PIGQ: variants seen among roughly 807,000 people sequenced by gnomAD.
PIGQ encodes the protein phosphatidylinositol N-acetylglucosaminyltransferase subunit Q.
Under a neutral mutation model 60.3 loss-of-function variants are expected in PIGQ, and 54 were observed. That is an observed-to-expected ratio of 0.90 (90% confidence interval 0.72 to 1.12). The LOEUF is 1.12. Among genes scored for constraint, PIGQ ranks in the 50% most tolerant of loss-of-function variants. The pLI, the probability that PIGQ is intolerant of heterozygous loss-of-function variation, is 0.00. For synonymous variants in PIGQ, 416 were observed against 363.7 expected, an observed-to-expected ratio of 1.14 and a Z score of -1.64; for missense variants, 799 against 793.5, an observed-to-expected ratio of 1.01 and a Z score of -0.08.
At chr16:572,682 T>C (rs1347145346) in intron 1 of PIGQ, 2 of 455,490 alleles carry the variant, frequency 4.4e-6, no homozygotes, top group Non-Finnish European at 8.8e-6. Flanking sequence ...CCTAAGGGCG[T>C]GGTGGGCACT....
intron 9 of PIGQ, chr16:581,412 G>A (rs2035807485): frequency 9.8e-7 from 1 of 1,023,010 alleles, no homozygotes; most frequent in Non-Finnish European, 1.2e-6. Flanking sequence ...GTCCCTCACT[G>A]GGGCTCTTCC....
intron 4 of PIGQ, chr16:577,969 G>T: frequency 5.4e-6 from 1 of 185,798 alleles, no homozygotes; most frequent in African/African-American, 2.4e-5. Flanking sequence ...CCTCTGGAGG[G>T]GACTGTGTCA....
In PIGQ at chr16:578,508, G is replaced by A. The variant is rs565415328; in HGVS notation, c.1069+3G>A. On this transcript the variant is annotated splice_donor_region_variant and intron_variant, in intron 5 of 10. Transcript: ENST00000321878. ...CTACCACATCCACCTGTGGATCAGT[G>A]AGTGCAGGGCAGGCGGGGGCCCCAG... 1.2e-6 allele frequency: 2 copies of A among 1,612,126 alleles called. No individual in the cohort carries two copies. The highest frequency in any genetic ancestry group is 4.5e-5 in the East Asian group (2 of 44,868).
At chr16:573,386 C>T (rs767464480) in intron 1 of PIGQ, among the ~76,000 whole-genome samples, 1 of 152,010 alleles carries the variant, frequency 6.6e-6, no homozygotes. Context: ...CAGGCACTGC[C>T]GGGTGCCACC....
chr16:576,556 T>C, intron 4 of PIGQ: 1 of 539,504 alleles, frequency 1.9e-6, no homozygotes, highest in South Asian at 2.8e-5. Flanking sequence ...GTATCTCCCT[T>C]GTGGTCCCTG....
chr16:582,110 G>T, intron 9 of PIGQ, 138 bp from the exon 10 acceptor site: 1 of 717,106 alleles, frequency 1.4e-6, no homozygotes, highest in East Asian at 2.7e-5. Context: ...GGCGACGGAG[G>T]GGGCGGGGAG....
Position 583,716 on chromosome 16 carries a change from C to T in PIGQ, c.*681C>T, listed in dbSNP as rs548844659. The T allele has an allele frequency of 7.5e-6, 11 of 1,471,116 alleles. No individual in the cohort carries two copies. In the East Asian group the frequency reaches 1.6e-4, roughly 21 times the overall value. The allele number at this position is 1,471,116 out of a possible 1,614,324, so 91.1% of individuals were successfully genotyped here. On this transcript the variant is annotated 3_prime_UTR_variant, in exon 11 of 11. Coordinates refer to ENST00000321878, the MANE Select transcript of PIGQ (RefSeq NM_004204.5). Reference sequence around the variant, plus strand: ...TCAGTGTCAAGGGCCCGCCCACTGACCCAGCCGTACCTATTCGTCCACGGT... The same window carrying T: ...TCAGTGTCAAGGGCCCGCCCACTGATCCAGCCGTACCTATTCGTCCACGGT...
chr16:580,261 C>T lies in PIGQ; in HGVS notation c.1414C>T (p.Leu472=), dbSNP rs762717093. The part of the protein sequence containing the change: ...TTALYYLVFT[L]LRLLVVAVQG... ...AGCCCTGTACTACCTGGTGTTCACCCTGGTGAGCTGAGCACCCACAGGCTG... is the reference window on the plus strand; with the variant it reads ...AGCCCTGTACTACCTGGTGTTCACCTTGGTGAGCTGAGCACCCACAGGCTG... The change falls in exon 8 of 11, where the codon CTG becomes TTG. Residue 472 remains leucine (L), a splice_region_variant and synonymous_variant. Transcript: ENST00000321878. 1.2e-6 allele frequency: 2 copies of T among 1,606,192 alleles called. No homozygotes were observed. Among genetic ancestry groups the T allele is most frequent in the East Asian group, 2.2e-5 (1 of 44,800 alleles).
rs779907023 is a variant in PIGQ, at chr16:583,629, TTGTGAAGAAACCATCAGCAGGC to T, written c.*600_*621del. On this transcript the variant is annotated 3_prime_UTR_variant, in exon 11 of 11. Transcript: ENST00000321878. Reference sequence around the variant, plus strand: ...GCGGATGTTCCCTGGAGAGGTCGCTTTGTGAAGAAACCATCAGCAGGCTGTGAGCATCGCCAGGCTGCTGTGG... The same window carrying T: ...GCGGATGTTCCCTGGAGAGGTCGCTTTGTGAGCATCGCCAGGCTGCTGTGG... The T allele has an allele frequency of 1.2e-6, 2 of 1,612,578 alleles. No homozygotes were observed. Among genetic ancestry groups the T allele is most frequent in the Non-Finnish European group, 1.7e-6 (2 of 1,179,900 alleles).
rs373615860 is a variant in PIGQ, at chr16:576,161, G to T, written c.849G>T (p.Leu283=). ...AGGCCAACACGGTGGCCTCTGTGCTGCTGGACGTGGCCCTGGGCCTCATGC... is the reference window on the plus strand; with the variant it reads ...AGGCCAACACGGTGGCCTCTGTGCTTCTGGACGTGGCCCTGGGCCTCATGC... The part of the protein sequence containing the change: ...MRKANTVASV[L]LDVALGLMLL... Residue 283 remains leucine (L), a synonymous_variant, in exon 4 of 11, where the codon CTG becomes CTT. Coordinates refer to ENST00000321878, the MANE Select transcript of PIGQ (RefSeq NM_004204.5). The T allele has an allele frequency of 8.3e-4, 1,288 of 1,549,180 alleles. 19 individuals carry two copies. In the South Asian group the frequency reaches 0.014, roughly 17 times the overall value.
rs1473917946 is a variant in PIGQ at position 574,523 on chromosome 16, G to A, written c.449G>A (p.Arg150His). The A allele has an allele frequency of 1.2e-5, 19 of 1,606,694 alleles. No homozygotes were observed. The highest frequency in any genetic ancestry group is 1.4e-5 in the Non-Finnish European group (17 of 1,177,446). The part of the protein sequence containing the change: ...QLHLPTVLPD[R>H]QAGATTASTG... Reference sequence around the variant, plus strand: ...CACCTGCCCACCGTCCTGCCCGACCGCCAGGCTGGAGCCACCACTGCCAGC... The same window carrying A: ...CACCTGCCCACCGTCCTGCCCGACCACCAGGCTGGAGCCACCACTGCCAGC... The change falls in exon 2 of 11, where the codon CGC (arginine) becomes CAC (histidine). Residue 150 changes from arginine to histidine, a missense_variant. By Grantham distance (29) the Arg-to-His change is conservative. Coordinates refer to ENST00000321878, the MANE Select transcript of PIGQ (RefSeq NM_004204.5).
At chr16:573,088 C>A (rs1329514306) in intron 1 of PIGQ, among the ~76,000 whole-genome samples, 3 of 152,186 alleles carry the variant, frequency 2.0e-5, no homozygotes, top group South Asian at 2.1e-4. Flanking sequence ...GGAGAAGGAG[C>A]CCCAGCTGGC....
chr16:580,656 A>T, intron 8 of PIGQ: 2 of 598,958 alleles, frequency 3.3e-6, no homozygotes. Context: ...TGACCTGGTG[A>T]GAGGGCCGGG....
At chr16:577,690 T>A (rs1399134938) in intron 4 of PIGQ, among the ~76,000 whole-genome samples, 2 of 151,466 alleles carry the variant, frequency 1.3e-5, no homozygotes, top group Non-Finnish European at 2.9e-5. Flanking sequence ...GGGGCCAAGG[T>A]GTCACTCACT....
chr16:578,603 C>T (rs2035759118), intron 5 of PIGQ, 98 bp downstream of exon 5: 1 of 1,458,996 alleles, frequency 6.9e-7, no homozygotes, highest in African/African-American at 1.4e-5. Context: ...CAACTCTGCT[C>T]CCCAGCGTCC....
Position 583,879 on chromosome 16 carries a change from G to T in PIGQ, c.*844G>T. 1 of 578,812 alleles carries T rather than the reference G, an allele frequency of 1.7e-6. No homozygotes were observed. Among genetic ancestry groups the T allele is most frequent in the Middle Eastern group, 3.8e-4 (1 of 2,604 alleles). The allele number at this position is 578,812 out of a possible 1,614,324, so 35.9% of individuals were successfully genotyped here. A position where few individuals can be genotyped will look rare whatever the true frequency, so the allele number is the denominator to read the frequency against. On this transcript the variant is annotated 3_prime_UTR_variant, in exon 11 of 11. Coordinates refer to ENST00000321878, the MANE Select transcript of PIGQ (RefSeq NM_004204.5). Reference sequence around the variant, plus strand: ...CCTGGGGAGGGGGCCGTGGCACTGAGGCCGAAAGTGCCTGCCAGACGGCAC... The same window carrying T: ...CCTGGGGAGGGGGCCGTGGCACTGATGCCGAAAGTGCCTGCCAGACGGCAC...
Position 582,242 on chromosome 16 carries a change from T to C in PIGQ, c.1532-6T>C. On this transcript the variant is annotated splice_region_variant and splice_polypyrimidine_tract_variant and intron_variant, in intron 9 of 10. Coordinates refer to ENST00000321878, the MANE Select transcript of PIGQ (RefSeq NM_004204.5). ...TCCCCTCGTCAGCCGCTTGCTATCC[T>C]TGCAGCTGGCGTGAAGTTCCGTGTC... 6.3e-7 allele frequency: 1 copy of C among 1,599,746 alleles called. No homozygotes were observed. Among genetic ancestry groups the C allele is most frequent in the Non-Finnish European group, 8.5e-7 (1 of 1,171,926 alleles).
At position 583,586 on chromosome 16, in the gene PIGQ, A is replaced by G; in HGVS notation, c.*551A>G. The G allele has an allele frequency of 1.2e-6, 2 of 1,612,668 alleles. No homozygotes were observed. The highest frequency in any genetic ancestry group is 1.7e-6 in the Non-Finnish European group (2 of 1,179,890). On this transcript the variant is annotated 3_prime_UTR_variant, in exon 11 of 11. Coordinates refer to ENST00000321878, the MANE Select transcript of PIGQ (RefSeq NM_004204.5). The stretch of plus-strand genomic sequence containing the variant: ...GCGGGCCCGGGCCCTCACTCCCTGA[A>G]CCACACGGGGTTTATTTGCGGATGT...
intron 10 of PIGQ, 171 bp from the exon 11 acceptor site, chr16:582,712 C>CT: frequency 1.3e-6 from 1 of 753,470 alleles, no homozygotes; most frequent in Non-Finnish European, 2.2e-6. Context: ...GCGCTCCCTT[C>CT]TGGCTGCAGG....
Sources: allele counts gnomAD v4.1 joint callset (sites outside exome capture counted in the v4.1 genomes callset), GRCh38; gene constraint gnomAD v4.1.1; transcripts MANE v1.5; gene names NCBI Gene and HGNC (gene_info 2026-07-23, HGNC 2026-07-21).